Variants in TBC1D22A observed in about 807,000 individuals in gnomAD.
TBC1D22A encodes the protein TBC1 domain family member 22A.
In TBC1D22A, 38 loss-of-function variants were observed where a neutral mutation model predicts 60.2. That is an observed-to-expected ratio of 0.63 (90% CI 0.49 to 0.83). The LOEUF (loss-of-function observed/expected upper bound fraction) is 0.83, where lower values mean the gene tolerates loss of function less well. TBC1D22A is among the 40% of genes least tolerant of loss of function. TBC1D22A has a pLI of 0.00. For missense variants in TBC1D22A, 628 were observed against 701.0 expected, an observed-to-expected ratio of 0.90 and a Z score of 1.18; for synonymous variants, 302 against 281.7, an observed-to-expected ratio of 1.07 and a Z score of -0.72.
chr22:47,097,977 C>G (rs375461744), intron 11 of TBC1D22A, among the ~76,000 whole-genome samples: 1 of 151,904 alleles, frequency 6.6e-6, no homozygotes, highest in African/African-American at 2.4e-5. Context: ...TGGTGGGGGC[C>G]CCTGCTACTG....
chr22:47,106,806 G>A (rs1232447207), intron 11 of TBC1D22A, among the ~76,000 whole-genome samples: 2 of 152,158 alleles, frequency 1.3e-5, no homozygotes, highest in Non-Finnish European at 2.9e-5. Flanking sequence ...GGATCACAGG[G>A]TTAAGAGATC....
intron 4 of TBC1D22A, among the ~76,000 whole-genome samples, chr22:46,841,047 G>GGAGTGT (rs1555909301): frequency 2.8e-4 from 41 of 147,542 alleles, no homozygotes; most frequent in African/African-American, 1.0e-3. Context: ...AATGAAAATG[G>GGAGTGT]GTGTGTGTGT....
chr22:46,792,360 C>A (rs1176870263), intron 1 of TBC1D22A, among the ~76,000 whole-genome samples, 160 bp from the exon 2 acceptor site: 2 of 152,172 alleles, frequency 1.3e-5, no homozygotes, highest in East Asian at 3.9e-4. Context: ...ACTGGGCCCT[C>A]AGGACCCCGG....
chr22:47,136,779 C>G (rs1322290534), intron 12 of TBC1D22A, among the ~76,000 whole-genome samples: 1 of 152,214 alleles, frequency 6.6e-6, no homozygotes, highest in Non-Finnish European at 1.5e-5. Flanking sequence ...CCTGTGCCCC[C>G]AGGACACCTG....
chr22:47,029,252 A>G (rs1271037974), intron 10 of TBC1D22A, among the ~76,000 whole-genome samples: 2 of 150,166 alleles, frequency 1.3e-5, no homozygotes, highest in African/African-American at 4.9e-5. Flanking sequence ...CAGCGCTTCC[A>G]TACCCCTTCC....
intron 6 of TBC1D22A, among the ~76,000 whole-genome samples, chr22:46,893,079 G>A (rs118017896): frequency 0.024 from 3,707 of 152,318 alleles, 61 homozygotes; most frequent in Non-Finnish European, 0.037. Context: ...CCGACCAGCC[G>A]TCTGACCCGC....
intron 12 of TBC1D22A, among the ~76,000 whole-genome samples, chr22:47,146,342 A>C (rs1455032284): frequency 1.3e-5 from 2 of 152,218 alleles, no homozygotes; most frequent in Non-Finnish European, 2.9e-5. Flanking sequence ...TCCCCAGCTC[A>C]GAGTCCTGCC....
rs551522263 is a variant in TBC1D22A, at chr22:47,140,346, C to T, written c.1425+28743C>T. Among the ~76,000 whole-genome samples, 7 of 151,374 alleles carry T rather than the reference C, an allele frequency of 4.6e-5. No homozygotes were observed. The East Asian group carries it at 1.4e-3, about 30-fold the overall frequency. On this transcript the variant is annotated intron_variant, in intron 12 of 12. Coordinates refer to ENST00000337137, the MANE Select transcript of TBC1D22A (RefSeq NM_014346.5). ...CAGCACTTTGGGAGGCTGAGGTGGG[C>T]GGATCACGAGGTCAGGAGATCGAGA...
intron 12 of TBC1D22A, among the ~76,000 whole-genome samples, chr22:47,149,554 C>G (rs2147169253): frequency 6.6e-6 from 1 of 152,340 alleles, no homozygotes; most frequent in African/African-American, 2.4e-5. Context: ...ACTCCCCCGC[C>G]CAGGTGGGCA....
At chr22:46,774,209 C>G (rs1265421061) in intron 1 of TBC1D22A, 3 of 985,440 alleles carry the variant, frequency 3.0e-6, no homozygotes, top group Non-Finnish European at 3.6e-6. Context: ...TTGCTGTGCT[C>G]GGCAGCAGAG....
At chr22:46,847,967 G>T (rs1456278326) in intron 4 of TBC1D22A, among the ~76,000 whole-genome samples, 1 of 148,094 alleles carries the variant, frequency 6.8e-6, no homozygotes, top group Non-Finnish European at 1.5e-5. Context: ...GCGCGCGCAC[G>T]CGCTCTACAC....
At chr22:47,061,465 G>A (rs1404759384) in intron 11 of TBC1D22A, among the ~76,000 whole-genome samples, 1 of 152,102 alleles carries the variant, frequency 6.6e-6, no homozygotes. Flanking sequence ...TCAGCCACCA[G>A]CACTTGGCAG....
intron 12 of TBC1D22A, among the ~76,000 whole-genome samples, chr22:47,171,789 T>C (rs2068465732): frequency 6.6e-6 from 1 of 152,182 alleles, no homozygotes; most frequent in African/African-American, 2.4e-5. Flanking sequence ...CCTTCCCCGT[T>C]GTGGCCTCAG....
chr22:46,864,835 G>A (rs2066976347), intron 4 of TBC1D22A, among the ~76,000 whole-genome samples: 1 of 152,158 alleles, frequency 6.6e-6, no homozygotes, highest in Admixed American at 6.5e-5. Flanking sequence ...ACAGTGCCCG[G>A]CCCATACCAA....
intron 4 of TBC1D22A, among the ~76,000 whole-genome samples, chr22:46,835,103 C>A (rs2086461053): frequency 6.6e-6 from 1 of 152,154 alleles, no homozygotes; most frequent in South Asian, 2.1e-4. Flanking sequence ...GAGAGGCTCC[C>A]AGAATTCCTA....
intron 12 of TBC1D22A, among the ~76,000 whole-genome samples, chr22:47,165,154 C>T (rs940138632): frequency 2.0e-5 from 3 of 152,128 alleles, no homozygotes; most frequent in African/African-American, 7.2e-5. Flanking sequence ...TGGCCGTCGT[C>T]CCCTGTGATT....
At chr22:46,956,479 G>C (rs775827601) in intron 8 of TBC1D22A, among the ~76,000 whole-genome samples, 2 of 152,214 alleles carry the variant, frequency 1.3e-5, no homozygotes, top group African/African-American at 4.8e-5. Context: ...TTACTTACAA[G>C]TATCATGTAA....
At chr22:46,844,353 A>C (rs1057008452) in intron 4 of TBC1D22A, among the ~76,000 whole-genome samples, 1 of 152,104 alleles carries the variant, frequency 6.6e-6, no homozygotes, top group African/African-American at 2.4e-5. Flanking sequence ...GAAGTTTATA[A>C]GCTTAGTTGC....
At chr22:46,866,556 G>T (rs2067066043) in intron 4 of TBC1D22A, among the ~76,000 whole-genome samples, 1 of 152,234 alleles carries the variant, frequency 6.6e-6, no homozygotes, top group African/African-American at 2.4e-5. Flanking sequence ...CAACAGGCTG[G>T]TTGCAGAAAT....
Sources: gnomAD v4.1 joint callset for allele counts (sites outside exome capture counted in the v4.1 genomes callset) on GRCh38, gnomAD v4.1.1 for gene constraint, MANE v1.5 for transcripts, NCBI Gene and HGNC (gene_info 2026-07-23, HGNC 2026-07-21) for gene names.